DNAH17: variants seen among roughly 807,000 people sequenced by gnomAD.
The protein encoded by DNAH17 is axonemal beta dynein heavy chain 17.
Under a neutral mutation model 485.6 loss-of-function variants are expected in DNAH17, and 376 were observed. That is an observed-to-expected ratio of 0.77 (90% CI 0.71 to 0.84). The LOEUF (loss-of-function observed/expected upper bound fraction) is 0.84. Ranked by LOEUF, DNAH17 falls within the 40% of genes least tolerant of loss-of-function variation. The pLI, the probability that DNAH17 is intolerant of heterozygous loss-of-function variation, is 0.00. For synonymous variants in DNAH17, 3,031 were observed against 2,405.9 expected, an observed-to-expected ratio of 1.26 and a Z score of -7.60; for missense variants, 6,370 against 5,839.3, an observed-to-expected ratio of 1.09 and a Z score of -2.96.
chr17:78,467,943 A>G (rs2088556084), intron 55 of DNAH17, among the ~76,000 whole-genome samples: 1 of 151,048 alleles, frequency 6.6e-6, no homozygotes, highest in East Asian at 2.0e-4. Flanking sequence ...ATTTTAACCC[A>G]GGAGGCAGAG....
intron 41 of DNAH17, among the ~76,000 whole-genome samples, chr17:78,493,369 T>C (rs1305153708): frequency 6.6e-6 from 1 of 152,186 alleles, no homozygotes; most frequent in African/African-American, 2.4e-5. Context: ...TTCTTCCTCA[T>C]GGTACAAGTA....
At chr17:78,443,069 T>C (rs2087135676) in intron 71 of DNAH17, among the ~76,000 whole-genome samples, 1 of 152,164 alleles carries the variant, frequency 6.6e-6, no homozygotes. Flanking sequence ...GTGTTTGGGA[T>C]GGTCCAAGGC....
intron 4 of DNAH17, 66 bp from the exon 5 acceptor site, chr17:78,571,444 C>G: frequency 6.7e-7 from 1 of 1,489,796 alleles, no homozygotes; most frequent in Non-Finnish European, 9.3e-7. Context: ...GCCAACCTGA[C>G]CTTGTGGCTG....
Position 78,486,834 on chromosome 17 carries a change from C to T in DNAH17, c.6819-328G>A, listed in dbSNP as rs183368657. Among the ~76,000 whole-genome samples the T allele has an allele frequency of 8.5e-5, 13 of 152,064 alleles. No homozygotes were observed. The East Asian group carries it at 2.5e-3, about 29-fold the overall frequency. On this transcript the variant is annotated intron_variant, in intron 44 of 80. Coordinates refer to ENST00000389840, the MANE Select transcript of DNAH17 (RefSeq NM_173628.4). ...CCAAGGGCTGGTGGATGGGGCAGAA[C>T]AGAAAAGGAGAAAGATCTCATGATG...
In DNAH17 at chr17:78,543,862, C is replaced by A; in HGVS notation, c.2527G>T (p.Val843Phe). ...RDAGVKIQAMVAENAELFRAD... is the reference protein window; with the variant it reads ...RDAGVKIQAMFAENAELFRAD... ...CCTCCTGGGTGTTTCCTTACTGCAA[C>A]CATGGCTTGGATCTTCACTCCAGCA... Residue 843 changes from valine to phenylalanine, a missense_variant, in exon 17 of 81, where the codon GTT (valine) becomes TTT (phenylalanine). Coordinates refer to ENST00000389840, the MANE Select transcript of DNAH17 (RefSeq NM_173628.4). 6.2e-7 allele frequency: 1 copy of A among 1,614,042 alleles called. No homozygotes were observed. The highest frequency in any genetic ancestry group is 8.5e-7 in the Non-Finnish European group (1 of 1,179,904).
chr17:78,544,892 C>T (rs1027917222), intron 16 of DNAH17, among the ~76,000 whole-genome samples: 7 of 147,206 alleles, frequency 4.8e-5, no homozygotes, highest in African/African-American at 1.8e-4. Flanking sequence ...GATTTTTTTT[C>T]CCTACACATC....
intron 17 of DNAH17, among the ~76,000 whole-genome samples, chr17:78,541,684 T>TG (rs1269421782): frequency 2.6e-5 from 4 of 152,016 alleles, no homozygotes; most frequent in African/African-American, 7.3e-5. Flanking sequence ...CTTAGGCTCC[T>TG]GTCCCTGCTG....
intron 25 of DNAH17, among the ~76,000 whole-genome samples, chr17:78,515,960 C>T (rs966926618): frequency 1.3e-5 from 2 of 152,176 alleles, no homozygotes; most frequent in Non-Finnish European, 2.9e-5. Context: ...AGGAATAACC[C>T]CACCAACAGT....
At chr17:78,504,407 G>A (rs545386072) in intron 31 of DNAH17, among the ~76,000 whole-genome samples, 144 of 152,156 alleles carry the variant, frequency 9.5e-4, no homozygotes, top group African/African-American at 3.1e-3. Flanking sequence ...GGCAGGCCTC[G>A]CTGTGGTCTG....
chr17:78,535,464 T>C (rs746291821), intron 19 of DNAH17, among the ~76,000 whole-genome samples: 1 of 152,198 alleles, frequency 6.6e-6, no homozygotes, highest in Non-Finnish European at 1.5e-5. Flanking sequence ...ATGTCACCTC[T>C]GTACAAGCAT....
intron 75 of DNAH17, 81 bp downstream of exon 75, chr17:78,433,938 AAGGAGGGAGG>A: frequency 2.1e-6 from 2 of 935,574 alleles, no homozygotes; most frequent in African/African-American, 2.1e-5. Context: ...GGAGGGAGGG[AAGGAGGGAGG>A]GAAGGAGGGA....
Position 78,429,160 on chromosome 17 carries a change from C to T in DNAH17, c.12366G>A (p.Leu4122=), listed in dbSNP as rs1211223967. 1.2e-6 allele frequency: 2 copies of T among 1,613,510 alleles called. No homozygotes were observed. Among genetic ancestry groups the T allele is most frequent in the African/African-American group, 2.7e-5 (2 of 74,882 alleles). The change falls in exon 76 of 81, where the codon CTG becomes CTA. Residue 4122 remains leucine (L), a synonymous_variant. Coordinates refer to ENST00000389840, the MANE Select transcript of DNAH17 (RefSeq NM_173628.4). The part of the protein sequence containing the change: ...RTEMLEGDVL[L]APGFQIPPNL... Reference sequence around the variant, plus strand: ...TGGGGGGGATCTGAAAGCCGGGGGCCAGCAGGACGTCTCCCTCCAGCATCT... The same window carrying T: ...TGGGGGGGATCTGAAAGCCGGGGGCTAGCAGGACGTCTCCCTCCAGCATCT...
intron 16 of DNAH17, among the ~76,000 whole-genome samples, chr17:78,549,879 C>T (rs1456897042): frequency 6.6e-6 from 1 of 152,164 alleles, no homozygotes; most frequent in Non-Finnish European, 1.5e-5. Context: ...GATTCAGAAG[C>T]CCGTGGGGTT....
In DNAH17 at chr17:78,491,524, G is replaced by A. The variant is rs371615907; in HGVS notation, c.6588C>T (p.Asp2196=). The A allele has an allele frequency of 5.5e-5, 89 of 1,613,904 alleles. No individual in the cohort carries two copies. Among genetic ancestry groups the A allele is most frequent in the African/African-American group, 3.6e-4 (27 of 75,052 alleles). ...IMRDLANITH[D]GPKWIILDGD... ...CGTCAAGGATGATCCACTTGGGGCC[G>A]TCATGGGTGATGTTGGCCAGGTCTC... The change falls in exon 43 of 81, where the codon GAC becomes GAT. Residue 2196 remains aspartate, a synonymous_variant. Coordinates refer to ENST00000389840, the MANE Select transcript of DNAH17 (RefSeq NM_173628.4).
In DNAH17 at chr17:78,478,315, T is replaced by TCAC. The variant is rs890791013; in HGVS notation, c.7992+707_7992+709dup. On this transcript the variant is annotated intron_variant, in intron 51 of 80. Transcript: ENST00000389840. ...CTCCACCACCATCACCACAATCACATCACCACCACCACCATTATCACCATC... is the reference window on the plus strand; with the variant it reads ...CTCCACCACCATCACCACAATCACATCACCACCACCACCACCATTATCACCATC... Among the ~76,000 whole-genome samples the TCAC allele has an allele frequency of 2.1e-3, 254 of 122,334 alleles. 1 individual carries two copies. The highest frequency in any genetic ancestry group is 8.2e-3 in the African/African-American group (245 of 30,008). 80.3% of individuals were successfully genotyped at this position (122,334 alleles called of 152,430 possible).
chr17:78,528,577 G>A (rs557517498), intron 22 of DNAH17, among the ~76,000 whole-genome samples: 62 of 152,252 alleles, frequency 4.1e-4, no homozygotes, highest in African/African-American at 1.4e-3. Context: ...ACACAGAGAA[G>A]GGGAGAGGGC....
At chr17:78,438,420 A>G in intron 73 of DNAH17, among the ~76,000 whole-genome samples, 1 of 486 alleles carries the variant, frequency 2.1e-3, no homozygotes, top group African/African-American at 7.0e-3. Flanking sequence ...GCCCCAAGTG[A>G]GGAGAAGGAG....
Position 78,543,948 on chromosome 17 carries a change from G to T in DNAH17, c.2441C>A (p.Ala814Asp). Residue 814 changes from alanine to aspartate, a missense_variant, in exon 17 of 81, where the codon GCC (alanine) becomes GAC (aspartate). Transcript: ENST00000389840. ...AATTCTTCCATCCAAGTCTAACAGG[G>T]CCTCTTTCTTATTGTCCTTTCTTTC... Reference protein sequence around the residue: ...LFERKDNKKEALLDLDGRIAN... With the variant: ...LFERKDNKKEDLLDLDGRIAN... 1 of 1,614,044 alleles carries T rather than the reference G, an allele frequency of 6.2e-7. No individual in the cohort carries two copies. The highest frequency in any genetic ancestry group is 8.5e-7 in the Non-Finnish European group (1 of 1,179,900).
At chr17:78,509,920 G>T (rs942114303) in intron 27 of DNAH17, among the ~76,000 whole-genome samples, 1 of 152,180 alleles carries the variant, frequency 6.6e-6, no homozygotes, top group African/African-American at 2.4e-5. Flanking sequence ...AGTGGCTCAC[G>T]CCTGTAATCC....
Sources: gnomAD v4.1 joint callset for allele counts (sites outside exome capture counted in the v4.1 genomes callset) on GRCh38, gnomAD v4.1.1 for gene constraint, MANE v1.5 for transcripts, NCBI Gene and HGNC (gene_info 2026-07-23, HGNC 2026-07-21) for gene names.